The following BBX variants were observed in gnomAD, a reference collection of about 807,000 sequenced individuals.
The protein encoded by BBX is HMG box transcription factor BBX.
A neutral mutation model predicts 100.2 loss-of-function variants in BBX; 30 were observed. That is an observed-to-expected ratio of 0.30 (90% confidence interval 0.22 to 0.41). The LOEUF is 0.41. Ranked by LOEUF, BBX falls within the 10% of genes least tolerant of loss-of-function variation. The pLI is 1.00. For synonymous variants in BBX, 376 were observed against 388.1 expected (o/e 0.97, Z 0.37); for missense variants, 1,023 against 1,129.8 (o/e 0.91, Z 1.35).
rs779673437 is a variant in BBX, at chr3:107,801,265, A to G, written c.2722A>G (p.Met908Val). 10 of 1,613,950 alleles carry G rather than the reference A, an allele frequency of 6.2e-6. No homozygotes were observed. Among genetic ancestry groups the G allele is most frequent in the Non-Finnish European group, 1.7e-6 (2 of 1,179,974 alleles). The change falls in exon 17 of 18, where the codon ATG becomes GTG. Residue 908 changes from methionine to valine, a missense_variant. By Grantham distance (21) the Met-to-Val change is conservative. This residue lies in a region of BBX where 104 missense variants were observed against 132.2 expected (regional missense o/e 0.79). Transcript: ENST00000325805. ...CGCTGCGCTGGCTGAAGTGGCAGCC[A>G]TGGAAAATGTGCACAGGTTAGTGGT... Reference protein sequence around the residue: ...SLAALAEVAAMENVHRGQRST... With the variant: ...SLAALAEVAAVENVHRGQRST...
intron 2 of BBX, among the ~76,000 whole-genome samples, chr3:107,620,430 T>G (rs2055656025): frequency 6.6e-6 from 1 of 152,250 alleles, no homozygotes; most frequent in African/African-American, 2.4e-5. Context: ...GTTCTTGGCT[T>G]TGGTATGAGA....
chr3:107,564,429 A>G (rs2050726296), intron 2 of BBX, among the ~76,000 whole-genome samples: 1 of 151,970 alleles, frequency 6.6e-6, no homozygotes. Context: ...TTCCCTTTTT[A>G]TGTCTTTTTG....
chr3:107,686,032 A>G (rs1325321754), intron 3 of BBX, among the ~76,000 whole-genome samples: 1 of 152,174 alleles, frequency 6.6e-6, no homozygotes, highest in Non-Finnish European at 1.5e-5. Context: ...AGAAGAAACT[A>G]AGAGTCCTTT....
At chr3:107,597,787 C>T (rs1473719459) in intron 2 of BBX, among the ~76,000 whole-genome samples, 1 of 152,288 alleles carries the variant, frequency 6.6e-6, no homozygotes, top group East Asian at 1.9e-4. Context: ...TAGGGCCATT[C>T]ACTTTTTCAC....
Position 107,787,456 on chromosome 3 carries a change from CAGAA to C in BBX, c.2204-2328_2204-2325del, listed in dbSNP as rs1298468630. Among the ~76,000 whole-genome samples, 7 of 152,100 alleles carry C rather than the reference CAGAA, an allele frequency of 4.6e-5. No individual in the cohort carries two copies. The East Asian group carries it at 1.2e-3, about 25-fold the overall frequency. On this transcript the variant is annotated intron_variant, in intron 13 of 17. Coordinates refer to ENST00000325805, the MANE Select transcript of BBX (RefSeq NM_001142568.3). ...TCCAGAATAGGCAAACCTATAGAGA[CAGAA>C]AGGAGATTAGAGGTTGCTTAGGGAG...
intron 2 of BBX, among the ~76,000 whole-genome samples, chr3:107,532,822 G>A (rs749908625): frequency 6.6e-5 from 10 of 152,128 alleles, no homozygotes; most frequent in East Asian, 5.8e-4. Context: ...TGCCAGGAAC[G>A]TCTTCCCACT....
chr3:107,532,311 A>G (rs2048216468), intron 2 of BBX, among the ~76,000 whole-genome samples: 2 of 152,220 alleles, frequency 1.3e-5, no homozygotes, highest in South Asian at 2.1e-4. Flanking sequence ...TCACAGTGTG[A>G]TAAAGCCACT....
At chr3:107,687,211 T>G (rs1038154744) in intron 3 of BBX, among the ~76,000 whole-genome samples, 3 of 152,060 alleles carry the variant, frequency 2.0e-5, no homozygotes, top group African/African-American at 7.2e-5. Flanking sequence ...TTTCAAATCA[T>G]AGAATCCAGC....
At chr3:107,803,929 T>C (rs1057182097) in intron 17 of BBX, among the ~76,000 whole-genome samples, 2 of 147,972 alleles carry the variant, frequency 1.4e-5, no homozygotes, top group Non-Finnish European at 3.0e-5. Context: ...CATCTTTTTT[T>C]ACATTGCACT....
At chr3:107,602,995 G>A (rs182588446) in intron 2 of BBX, among the ~76,000 whole-genome samples, 17 of 152,148 alleles carry the variant, frequency 1.1e-4, no homozygotes, top group East Asian at 1.9e-4. Flanking sequence ...ACGGAGTCTC[G>A]TTCTGTCATT....
At chr3:107,671,096 ATT>A (rs200987016) in intron 3 of BBX, among the ~76,000 whole-genome samples, 16 of 144,986 alleles carry the variant, frequency 1.1e-4, no homozygotes, top group African/African-American at 3.5e-4. Flanking sequence ...GAGTATTCTG[ATT>A]TTTTTTTTTT....
intron 2 of BBX, among the ~76,000 whole-genome samples, chr3:107,564,992 T>G (rs1559817095): frequency 6.6e-6 from 1 of 152,236 alleles, no homozygotes; most frequent in Non-Finnish European, 1.5e-5. Context: ...TTCAAGCTTT[T>G]TCTTCCATCT....
rs184158831 is a variant in BBX at position 107,699,677 on chromosome 3, A to C, written c.-9-10775A>C. Among the ~76,000 whole-genome samples, 275 of 152,048 alleles carry C rather than the reference A, an allele frequency of 1.8e-3. 2 individuals carry two copies. Among genetic ancestry groups the C allele is most frequent in the Middle Eastern group, 3.4e-3 (1 of 294 alleles). On this transcript the variant is annotated intron_variant, in intron 3 of 17. Coordinates refer to ENST00000325805, the MANE Select transcript of BBX (RefSeq NM_001142568.3). ...GTGAACAGCTGATTGCAGTGATTTCAGTTTATGAAGAGAAACTTGCAAAGA... is the reference window on the plus strand; with the variant it reads ...GTGAACAGCTGATTGCAGTGATTTCCGTTTATGAAGAGAAACTTGCAAAGA...
intron 3 of BBX, among the ~76,000 whole-genome samples, chr3:107,671,733 A>T (rs1286912214): frequency 6.6e-6 from 1 of 152,096 alleles, no homozygotes; most frequent in Non-Finnish European, 1.5e-5. Flanking sequence ...CTGCAAACTC[A>T]TTGCCTCCTT....
At chr3:107,776,252 T>A (rs2067312441) in intron 12 of BBX, 3 of 152,176 alleles carry the variant, frequency 2.0e-5, no homozygotes, top group Non-Finnish European at 4.4e-5. Flanking sequence ...ATGCTTCTAT[T>A]AGAAACTGCT....
chr3:107,593,766 A>G lies in BBX; in HGVS notation c.-83-52070A>G, dbSNP rs1351057350. On this transcript the variant is annotated intron_variant, in intron 2 of 17. Coordinates refer to ENST00000325805, the MANE Select transcript of BBX (RefSeq NM_001142568.3). ...CAGTCCCTGTAAGTGGAAAAACAAAACAAAACGAAACAAACAAACAAAAAA... is the reference window on the plus strand; with the variant it reads ...CAGTCCCTGTAAGTGGAAAAACAAAGCAAAACGAAACAAACAAACAAAAAA... 2.0e-5 allele frequency among the ~76,000 whole-genome samples: 3 copies of G among 152,204 alleles called. No individual in the cohort carries two copies. In the East Asian group the frequency reaches 5.8e-4, roughly 29 times the overall value.
chr3:107,778,524 G>A lies in BBX; in HGVS notation c.2203+5G>A. 6.2e-7 allele frequency: 1 copy of A among 1,612,250 alleles called. No homozygotes were observed. Among genetic ancestry groups the A allele is most frequent in the Admixed American group, 1.7e-5 (1 of 59,734 alleles). ...AACCGACTAAAACCAGCAAAGGTTA[G>A]GTGTGACCTGTACCTTCCTGCCATG... On this transcript the variant is annotated splice_donor_5th_base_variant and intron_variant, in intron 13 of 17. Coordinates refer to ENST00000325805, the MANE Select transcript of BBX (RefSeq NM_001142568.3).
intron 3 of BBX, among the ~76,000 whole-genome samples, chr3:107,702,909 G>A (rs1002761041): frequency 2.6e-5 from 4 of 152,130 alleles, no homozygotes; most frequent in Non-Finnish European, 4.4e-5. Context: ...AGCATGTGGC[G>A]GGTGTGGAGA....
rs573826752 is a variant in BBX, at chr3:107,597,204, G to A, written c.-83-48632G>A. Among the ~76,000 whole-genome samples, 9 of 152,204 alleles carry A rather than the reference G, an allele frequency of 5.9e-5. No individual in the cohort carries two copies. In the South Asian group the frequency reaches 1.9e-3, roughly 32 times the overall value. ...TGTCCACTTATGAACTACTGTTTGT[G>A]TGAAATTTTTGTGTTAATTTGCCTC... On this transcript the variant is annotated intron_variant, in intron 2 of 17. Transcript: ENST00000325805.
Sources: gnomAD v4.1 joint callset for allele counts (sites outside exome capture counted in the v4.1 genomes callset) on GRCh38, gnomAD v4.1.1 for gene constraint, gnomAD v4.1.1 regional missense constraint, MANE v1.5 for transcripts, NCBI Gene and HGNC (gene_info 2026-07-23, HGNC 2026-07-21) for gene names.